CRACD: variants seen among roughly 807,000 people sequenced by gnomAD.
CRACD encodes the protein capping protein inhibiting regulator of actin dynamics, also known as capping protein-inhibiting regulator of actin dynamics.
CRACD carries 56 observed loss-of-function variants against 106.8 expected under a neutral mutation model. The ratio of observed to expected loss-of-function variants is 0.52; its 90% CI spans 0.42 to 0.66. The LOEUF is 0.66. CRACD is among the 30% of genes least tolerant of loss of function. CRACD has a pLI of 0.00. For synonymous variants in CRACD, 754 were observed against 670.8 expected (o/e 1.12, Z -1.92); for missense variants, 1,730 against 1,623.2 (o/e 1.07, Z -1.13).
At chr4:56,214,681 C>CTA (rs545506498) in intron 2 of CRACD, among the ~76,000 whole-genome samples, 1,009 of 80,970 alleles carry the variant, frequency 0.012, 59 homozygotes, top group Middle Eastern at 0.028. Flanking sequence ...CTCTCTCTCT[C>CTA]TATATATATA....
intron 1 of CRACD, among the ~76,000 whole-genome samples, chr4:56,166,671 G>T (rs1736165629): frequency 1.1e-4 from 3 of 27,200 alleles, no homozygotes; most frequent in Non-Finnish European, 1.2e-4. Flanking sequence ...GAGACACTCT[G>T]TCTCAAAAAA....
At chr4:56,180,489 A>AAAAT (rs199914728) in intron 2 of CRACD, among the ~76,000 whole-genome samples, 4,923 of 146,258 alleles carry the variant, frequency 0.034, 113 homozygotes, top group Non-Finnish European at 0.041. Flanking sequence ...ACTCCATCTC[A>AAAAT]AAATAAATAA....
At chr4:56,327,582 A>C in intron 10 of CRACD, 62 bp from the exon 11 acceptor site, 1 of 1,482,442 alleles carries the variant, frequency 6.7e-7, no homozygotes, top group African/African-American at 1.4e-5. Context: ...TGTTAATTAA[A>C]AAGAAAATTT....
intron 2 of CRACD, among the ~76,000 whole-genome samples, chr4:56,182,861 ATATGTGTGTGTG>A (rs1488203136): frequency 2.1e-4 from 21 of 101,892 alleles, no homozygotes; most frequent in African/African-American, 7.3e-4. Context: ...GAAAAAAAAG[ATATGTGTGTGTG>A]TGTGTGTGTG....
chr4:56,107,772 T>C (rs1733996741), intron 1 of CRACD, among the ~76,000 whole-genome samples: 1 of 152,236 alleles, frequency 6.6e-6, no homozygotes, highest in Admixed American at 6.5e-5. Flanking sequence ...TGGAATGTGC[T>C]GATTCAGATG....
At chr4:56,307,351 G>T (rs1744797596) in intron 4 of CRACD, among the ~76,000 whole-genome samples, 184 bp from the exon 5 acceptor site, 1 of 152,170 alleles carries the variant, frequency 6.6e-6, no homozygotes, top group Admixed American at 6.6e-5. Context: ...GAAAAGAGAA[G>T]AAAGTGGAAA....
chr4:56,275,599 G>A (rs967137394), intron 3 of CRACD, among the ~76,000 whole-genome samples: 2 of 152,176 alleles, frequency 1.3e-5, no homozygotes, highest in African/African-American at 4.8e-5. Context: ...CTAATTATTT[G>A]CCTTATTTAC....
At chr4:56,116,856 C>A (rs529084893) in intron 1 of CRACD, among the ~76,000 whole-genome samples, 1 of 151,656 alleles carries the variant, frequency 6.6e-6, no homozygotes, top group East Asian at 1.9e-4. Context: ...TACAGGCGCA[C>A]GGCACCACGC....
At chr4:56,243,173 G>A (rs925953020) in intron 2 of CRACD, among the ~76,000 whole-genome samples, 1 of 152,234 alleles carries the variant, frequency 6.6e-6, no homozygotes, top group Admixed American at 6.5e-5. Flanking sequence ...TAACAGTGGT[G>A]TGAGCAGTTT....
chr4:56,209,895 G>A (rs1738315810), intron 2 of CRACD, among the ~76,000 whole-genome samples: 1 of 152,112 alleles, frequency 6.6e-6, no homozygotes, highest in Non-Finnish European at 1.5e-5. Context: ...TGGCTATGAA[G>A]GGCAGGGCTT....
intron 2 of CRACD, among the ~76,000 whole-genome samples, chr4:56,213,960 C>G (rs778866979): frequency 2.0e-5 from 3 of 152,130 alleles, no homozygotes; most frequent in Non-Finnish European, 4.4e-5. Flanking sequence ...AATAAGAAAG[C>G]CTGAATGGTC....
chr4:56,106,162 G>A (rs969032799), intron 1 of CRACD, among the ~76,000 whole-genome samples: 1 of 141,328 alleles, frequency 7.1e-6, no homozygotes, highest in African/African-American at 2.8e-5. Context: ...CCTGGATGAG[G>A]CAACTGTACT....
At chr4:56,249,739 C>T (rs762405286) in intron 2 of CRACD, among the ~76,000 whole-genome samples, 4 of 152,078 alleles carry the variant, frequency 2.6e-5, no homozygotes, top group East Asian at 1.9e-4. Flanking sequence ...ACCCACCTGC[C>T]GAGTTTTGTG....
chr4:56,146,776 A>G (rs1264631361), intron 1 of CRACD, among the ~76,000 whole-genome samples: 1 of 152,176 alleles, frequency 6.6e-6, no homozygotes, highest in African/African-American at 2.4e-5. Context: ...TTTTTAATCT[A>G]TTCAGGCTTT....
At position 56,314,967 on chromosome 4, in the gene CRACD, G is replaced by A. The variant is rs1033759264; in HGVS notation, c.1465G>A (p.Glu489Lys). The A allele has an allele frequency of 1.9e-6, 3 of 1,589,272 alleles. No individual in the cohort carries two copies. In the African/African-American group the frequency reaches 4.0e-5, roughly 21 times the overall value. The change falls in exon 8 of 11, where the codon GAG (glutamate) becomes AAG (lysine). Residue 489 changes from glutamate (E) to lysine (K), a missense_variant. This residue lies in a region of CRACD where 1,620 missense variants were observed against 1,481.6 expected (regional missense o/e 1.09). Transcript: ENST00000682029. The surrounding 1 kb of genome is among the most constrained non-coding windows in gnomAD (Gnocchi z 4.4). Reference protein sequence around the residue: ...PEEKREEGDTEPLLKQEGPVE... With the variant: ...PEEKREEGDTKPLLKQEGPVE... ...GGAAAAGAGAGAAGAAGGGGACACGGAGCCTCTCCTGAAACAAGAGGGGCC... is the reference window on the plus strand; with the variant it reads ...GGAAAAGAGAGAAGAAGGGGACACGAAGCCTCTCCTGAAACAAGAGGGGCC...
intron 1 of CRACD, among the ~76,000 whole-genome samples, chr4:56,099,666 C>T (rs1478234565): frequency 6.6e-6 from 1 of 152,090 alleles, no homozygotes; most frequent in Admixed American, 6.6e-5. Flanking sequence ...CTTTCGTGGG[C>T]CAAGCCAACA....
At chr4:56,085,903 T>C (rs1733201941) in intron 1 of CRACD, among the ~76,000 whole-genome samples, 1 of 152,216 alleles carries the variant, frequency 6.6e-6, no homozygotes, top group Admixed American at 6.5e-5. Context: ...AGATTTTTAA[T>C]ATTATGTATT....
chr4:56,248,250 A>T (rs940617776), intron 2 of CRACD, among the ~76,000 whole-genome samples: 1 of 152,188 alleles, frequency 6.6e-6, no homozygotes. Flanking sequence ...TCTCAAAATA[A>T]TTTGTCCTGA....
At chr4:56,074,636 G>A (rs976883468) in intron 1 of CRACD, among the ~76,000 whole-genome samples, 1 of 152,018 alleles carries the variant, frequency 6.6e-6, no homozygotes, top group African/African-American at 2.4e-5. Flanking sequence ...CTGTAAACAG[G>A]GACAATTTGA....
Sources: allele counts gnomAD v4.1 joint callset (sites outside exome capture counted in the v4.1 genomes callset), GRCh38; gene constraint gnomAD v4.1.1; regional missense constraint gnomAD v4.1.1; non-coding constraint Gnocchi (gnomAD v3.1); transcripts MANE v1.5; gene names NCBI Gene and HGNC (gene_info 2026-07-23, HGNC 2026-07-21).